SHROOM4: variants seen among roughly 807,000 people sequenced by gnomAD.
SHROOM4 encodes the protein shroom family member 4, also known as protein Shroom4.
Under a neutral mutation model 80.3 loss-of-function variants are expected in SHROOM4, and 17 were observed. The ratio of observed to expected loss-of-function variants is 0.21; its 90% CI spans 0.14 to 0.32. SHROOM4 has a LOEUF of 0.32. Ranked by LOEUF, SHROOM4 falls within the 10% of genes least tolerant of loss-of-function variation. SHROOM4 has a pLI of 1.00. For synonymous variants in SHROOM4, 400 were observed against 437.5 expected (o/e 0.91, Z 1.07); for missense variants, 993 against 1,140.3 (o/e 0.87, Z 1.86).
chrX:50,635,146 C>T lies in SHROOM4; in HGVS notation c.927G>A (p.Glu309=). Residue 309 remains glutamate, a synonymous_variant, in exon 4 of 9, where the codon GAG becomes GAA. Coordinates refer to ENST00000376020, the MANE Select transcript of SHROOM4 (RefSeq NM_020717.5). ...GTAGCACAGGCTCTAAGCTCAGTTTCTCCTTCTGTGGCAAGGGGACCACAG... is the reference window on the plus strand; with the variant it reads ...GTAGCACAGGCTCTAAGCTCAGTTTTTCCTTCTGTGGCAAGGGGACCACAG... ...SEPVVPLPQK[E]KLSLEPVLPA... 3 of 1,208,728 alleles carry T rather than the reference C, an allele frequency of 2.5e-6. No individual in the cohort carries two copies. In the South Asian group the frequency reaches 5.3e-5, roughly 21 times the overall value.
At chrX:50,613,523 G>C (rs1557250255) in intron 5 of SHROOM4, among the ~76,000 whole-genome samples, 1 of 112,151 alleles carries the variant, frequency 8.9e-6, no homozygotes, top group African/African-American at 3.2e-5. Context: ...GCAACAATTA[G>C]TTAGAATATA....
intron 2 of SHROOM4, among the ~76,000 whole-genome samples, chrX:50,679,193 C>T (rs1407607398): frequency 1.8e-5 from 2 of 111,067 alleles, no homozygotes; most frequent in Non-Finnish European, 3.8e-5. Flanking sequence ...CCTTTCCTCT[C>T]AGCAGACAGC....
chrX:50,614,500 G>T (rs897468771), intron 5 of SHROOM4, among the ~76,000 whole-genome samples: 3 of 112,373 alleles, frequency 2.7e-5, no homozygotes, highest in Non-Finnish European at 5.6e-5. Flanking sequence ...TTACCAAAAG[G>T]TGTTCGACCT....
At chrX:50,659,030 G>C (rs1932408715) in intron 2 of SHROOM4, among the ~76,000 whole-genome samples, 1 of 111,592 alleles carries the variant, frequency 9.0e-6, no homozygotes, top group South Asian at 3.8e-4. Context: ...AATCCAAATT[G>C]AGATCTGGTT....
chrX:50,793,568 C>A (rs1935897081), intron 1 of SHROOM4, among the ~76,000 whole-genome samples: 1 of 103,303 alleles, frequency 9.7e-6, no homozygotes, highest in Non-Finnish European at 2.0e-5. Flanking sequence ...GCTTTTTAGT[C>A]AAATTTTATC....
At chrX:50,625,679 T>A (rs1930770528) in intron 5 of SHROOM4, among the ~76,000 whole-genome samples, 1 of 111,885 alleles carries the variant, frequency 8.9e-6, no homozygotes, top group Admixed American at 9.5e-5. Flanking sequence ...CAGGGCCACA[T>A]TCTGTCATGG....
chrX:50,697,167 C>G (rs1933391423), intron 1 of SHROOM4, among the ~76,000 whole-genome samples: 1 of 111,711 alleles, frequency 9.0e-6, no homozygotes, highest in Non-Finnish European at 1.9e-5. Flanking sequence ...TGTTTATCAA[C>G]TAAGACGGTC....
At chrX:50,576,290 T>G in the SHROOM4 span, among the ~76,000 whole-genome samples, 2 of 111,899 alleles carry the variant, frequency 1.8e-5, no homozygotes, top group South Asian at 3.8e-4. Flanking sequence ...GGCATGAGCC[T>G]ACCTGAGTAA....
chrX:50,639,961 CT>C (rs1448197233), intron 2 of SHROOM4, among the ~76,000 whole-genome samples: 2 of 111,492 alleles, frequency 1.8e-5, no homozygotes, highest in East Asian at 5.6e-4. Flanking sequence ...GGTGAAGCCC[CT>C]AGCTTTGTAA....
chrX:50,654,313 T>C (rs781869608), intron 2 of SHROOM4, among the ~76,000 whole-genome samples: 4 of 111,589 alleles, frequency 3.6e-5, no homozygotes, highest in Non-Finnish European at 7.5e-5. Context: ...GGTTCCACAA[T>C]GTTCACATAA....
chrX:50,755,884 T>C (rs1382003845), intron 1 of SHROOM4, among the ~76,000 whole-genome samples: 1 of 111,358 alleles, frequency 9.0e-6, no homozygotes, highest in Non-Finnish European at 1.9e-5. Context: ...AAATAGAAAT[T>C]CATGAGCTAT....
At chrX:50,752,524 C>G (rs1389614536) in intron 1 of SHROOM4, among the ~76,000 whole-genome samples, 1 of 111,254 alleles carries the variant, frequency 9.0e-6, no homozygotes, top group Non-Finnish European at 1.9e-5. Flanking sequence ...TCCTTTCCAC[C>G]CTAAAAGGTT....
At chrX:50,636,604 G>A (rs1227932900) in intron 3 of SHROOM4, among the ~76,000 whole-genome samples, 1 of 111,345 alleles carries the variant, frequency 9.0e-6, no homozygotes, top group Non-Finnish European at 1.9e-5. Flanking sequence ...CTCATCACCT[G>A]GGAAGTGAGC....
intron 1 of SHROOM4, among the ~76,000 whole-genome samples, chrX:50,757,271 G>T (rs1379104286): frequency 2.7e-5 from 3 of 111,796 alleles, no homozygotes; most frequent in Non-Finnish European, 5.6e-5. Context: ...AATTTTCTTG[G>T]CAAGTTTGCC....
At chrX:50,642,976 C>T (rs1156716813) in intron 2 of SHROOM4, among the ~76,000 whole-genome samples, 1 of 111,564 alleles carries the variant, frequency 9.0e-6, no homozygotes, top group Non-Finnish European at 1.9e-5. Context: ...GCAATTCCCT[C>T]AAGAAGCAGT....
At chrX:50,796,390 G>A (rs1166165571) in intron 1 of SHROOM4, among the ~76,000 whole-genome samples, 2 of 111,594 alleles carry the variant, frequency 1.8e-5, no homozygotes, top group Non-Finnish European at 3.8e-5. Context: ...GGAGCATGGA[G>A]CCATAGCAAC....
At chrX:50,685,367 T>G (rs1241666606) in intron 2 of SHROOM4, among the ~76,000 whole-genome samples, 5 of 111,483 alleles carry the variant, frequency 4.5e-5, no homozygotes, top group African/African-American at 1.6e-4. Context: ...CACCTTGGAA[T>G]GGAAGTCTGG....
rs146730739 is a variant in SHROOM4, at chrX:50,615,881, C to T, written c.2958-7697G>A. Among the ~76,000 whole-genome samples, 80 of 111,998 alleles carry T rather than the reference C, an allele frequency of 7.1e-4. 1 individual carries two copies. Among genetic ancestry groups the T allele is most frequent in the African/African-American group, 2.5e-3 (77 of 30,848 alleles). ...TAAATTGCGTATTTATTTGGGGTAG[C>T]GCAAGCTAATGGAAATTATTTGCTT... On this transcript the variant is annotated intron_variant, in intron 5 of 8. Transcript: ENST00000376020.
At chrX:50,737,720 C>A (rs1038254613) in intron 1 of SHROOM4, among the ~76,000 whole-genome samples, 1 of 111,199 alleles carries the variant, frequency 9.0e-6, no homozygotes, top group African/African-American at 3.3e-5. Context: ...CAGGACCAGA[C>A]GGATTCACAG....
Sources: allele counts gnomAD v4.1 joint callset (sites outside exome capture counted in the v4.1 genomes callset), GRCh38; gene constraint gnomAD v4.1.1; transcripts MANE v1.5; gene names NCBI Gene and HGNC (gene_info 2026-07-23, HGNC 2026-07-21).